Variants in FIBCD1 observed in about 807,000 individuals in gnomAD.
FIBCD1 encodes the protein fibrinogen C domain-containing protein 1.
In FIBCD1, 47 loss-of-function variants were observed where a neutral mutation model predicts 45.1. The observed-to-expected ratio is 1.04, with a 90% confidence interval of 0.82 to 1.33. The LOEUF (loss-of-function observed/expected upper bound fraction) is 1.33, where lower values mean the gene tolerates loss of function less well. FIBCD1 is among the 40% of genes most tolerant of loss of function. The pLI is 0.00. For missense variants in FIBCD1, 653 were observed against 682.2 expected (o/e 0.96, Z 0.48); for synonymous variants, 313 against 308.1 (o/e 1.02, Z -0.17).
chr9:130,919,786 C>T lies in FIBCD1; in HGVS notation c.849+3958G>A, dbSNP rs141727067. On this transcript the variant is annotated intron_variant, in intron 4 of 6. Coordinates refer to ENST00000372338, the MANE Select transcript of FIBCD1 (RefSeq NM_032843.5). ...GGGGGACGTTGGCTGTGCCTGGGAGCGGAGCAGGTAGGTATGGGGTCCTAT... is the reference window on the plus strand; with the variant it reads ...GGGGGACGTTGGCTGTGCCTGGGAGTGGAGCAGGTAGGTATGGGGTCCTAT... Among the ~76,000 whole-genome samples, 320 of 152,266 alleles carry T rather than the reference C, an allele frequency of 2.1e-3. 2 individuals are homozygous for T. Among genetic ancestry groups the T allele is most frequent in the South Asian group, 8.5e-3 (41 of 4,830 alleles).
At position 130,923,857 on chromosome 9, in the gene FIBCD1, CCAGA is replaced by C; in HGVS notation, c.732_735del (p.Cys244TrpfsTer5). 1.2e-6 allele frequency: 2 copies of C among 1,612,740 alleles called. No individual in the cohort carries two copies. Among genetic ancestry groups the C allele is most frequent in the Non-Finnish European group, 1.7e-6 (2 of 1,179,986 alleles). On this transcript the variant is annotated frameshift_variant, in exon 4 of 7. Coordinates refer to ENST00000372338, the MANE Select transcript of FIBCD1 (RefSeq NM_032843.5). LOFTEE classifies it high-confidence loss of function. ...TCCTGCTGTCCGCTTAGGAGGACGT[CCAGA>C]CAGTCTCGGGGCCGGGAGCCTGAGG...
chr9:130,928,135 G>T (rs1428489521), intron 2 of FIBCD1, among the ~76,000 whole-genome samples: 1 of 152,212 alleles, frequency 6.6e-6, no homozygotes, highest in Non-Finnish European at 1.5e-5. Flanking sequence ...ACTGTCTCTT[G>T]AATCATCCAG....
intron 4 of FIBCD1, among the ~76,000 whole-genome samples, chr9:130,918,652 C>G (rs972880901): frequency 2.6e-5 from 4 of 152,164 alleles, no homozygotes. Flanking sequence ...TACGGCAGCC[C>G]TTCAAAGGCA....
intron 4 of FIBCD1, among the ~76,000 whole-genome samples, chr9:130,923,492 C>G (rs919033662): frequency 6.6e-6 from 1 of 152,214 alleles, no homozygotes; most frequent in Admixed American, 6.5e-5. Context: ...CTGGGGATCT[C>G]AGGGAGCCCA....
chr9:130,917,135 G>A (rs1437670737), intron 4 of FIBCD1, among the ~76,000 whole-genome samples: 3 of 152,120 alleles, frequency 2.0e-5, no homozygotes, highest in South Asian at 2.1e-4. Flanking sequence ...GGGAGCAAAA[G>A]GTAGGGAAAC....
rs1465722003 is a variant in FIBCD1 at position 130,929,923 on chromosome 9, G to A, written c.196C>T (p.Pro66Ser). 1 of 1,549,076 alleles carries A rather than the reference G, an allele frequency of 6.5e-7. No individual in the cohort carries two copies. The highest frequency in any genetic ancestry group is 8.7e-7 in the Non-Finnish European group (1 of 1,146,372). Residue 66 changes from proline to serine, a missense_variant, in exon 2 of 7, where the codon CCT becomes TCT. Pro to Ser is a moderately conservative substitution (Grantham distance 74, BLOSUM62 -1). Transcript: ENST00000372338. ...CTGGCAGCCCCAGTGCTGACGACAG[G>A]TGGGGGCGCCGTGCCCGGCGCGTGG... Reference protein sequence around the residue: ...HAHAPGTAPPPVVSTGAASAN... With the variant: ...HAHAPGTAPPSVVSTGAASAN...
At chr9:130,927,236 G>A (rs1485511750) in intron 2 of FIBCD1, among the ~76,000 whole-genome samples, 31 of 148,968 alleles carry the variant, frequency 2.1e-4, no homozygotes, top group Admixed American at 2.1e-3. Context: ...GAGTAAGACT[G>A]TCTCGAAAAA....
intron 4 of FIBCD1, among the ~76,000 whole-genome samples, chr9:130,916,666 C>T (rs1436661683): frequency 7.2e-5 from 11 of 152,240 alleles, no homozygotes; most frequent in African/African-American, 2.7e-4. Context: ...CTGGATGTGG[C>T]CAAGCACAGA....
In FIBCD1 at chr9:130,939,053, G is replaced by A. The variant is rs899747489; in HGVS notation, c.-446C>T. 1.3e-5 allele frequency: 2 copies of A among 152,016 alleles called. No individual in the cohort carries two copies. The highest frequency in any genetic ancestry group is 4.8e-5 in the African/African-American group (2 of 41,392). 9.4% of individuals were successfully genotyped at this position (152,016 alleles called of 1,614,324 possible). On this transcript the variant is annotated 5_prime_UTR_variant, in exon 1 of 7. Coordinates refer to ENST00000372338, the MANE Select transcript of FIBCD1 (RefSeq NM_032843.5). ...GACTTGGATACTAAACTCCGCCTCC[G>A]AAAAGACCTAGGGAAAGGAGGCCGA...
chr9:130,914,933 C>T (rs913508153), intron 4 of FIBCD1, among the ~76,000 whole-genome samples: 22 of 152,258 alleles, frequency 1.4e-4, no homozygotes, highest in Admixed American at 1.2e-3. Flanking sequence ...TCCCCGAGCC[C>T]AGGCACCCCA....
chr9:130,931,549 G>A (rs942012788), intron 1 of FIBCD1, among the ~76,000 whole-genome samples: 2 of 152,140 alleles, frequency 1.3e-5, no homozygotes, highest in Non-Finnish European at 2.9e-5. Context: ...AAACGGAAAC[G>A]AAGGGCAGGC....
At chr9:130,920,950 C>T (rs1450525909) in intron 4 of FIBCD1, among the ~76,000 whole-genome samples, 1 of 152,224 alleles carries the variant, frequency 6.6e-6, no homozygotes, top group Non-Finnish European at 1.5e-5. Flanking sequence ...CAAGAATGAG[C>T]GTGTGCCACT....
chr9:130,935,169 T>C (rs1227599330), intron 1 of FIBCD1, among the ~76,000 whole-genome samples: 1 of 152,196 alleles, frequency 6.6e-6, no homozygotes, highest in Non-Finnish European at 1.5e-5. Flanking sequence ...GAGATTTTCT[T>C]TCTTCCTTTC....
intron 5 of FIBCD1, among the ~76,000 whole-genome samples, chr9:130,906,634 G>A (rs572443423): frequency 2.6e-5 from 4 of 152,320 alleles, no homozygotes; most frequent in East Asian, 1.9e-4. Context: ...CAGGGCAGCC[G>A]CTCTCCCTCT....
At chr9:130,934,295 G>T (rs1832486021) in intron 1 of FIBCD1, among the ~76,000 whole-genome samples, 1 of 152,316 alleles carries the variant, frequency 6.6e-6, no homozygotes, top group East Asian at 1.9e-4. Flanking sequence ...TGGGGGTGAA[G>T]GGTTGGTGGC....
rs1012283177 is a variant in FIBCD1 at position 130,929,646 on chromosome 9, C to T, written c.473G>A (p.Cys158Tyr). 1 of 1,590,928 alleles carries T rather than the reference C, an allele frequency of 6.3e-7. No homozygotes were observed. The highest frequency in any genetic ancestry group is 8.5e-7 in the Non-Finnish European group (1 of 1,170,046). ...GCCATGCCCCTTCCGCAGCCCCATG[C>T]ACTCCGTCTGCAGCTCTGAGGCTCG... ...LARASELQTE[C>Y]MGLRKGHGTL... is the part of the protein sequence containing the mutation. Residue 158 changes from cysteine to tyrosine, a missense_variant, in exon 2 of 7, where the codon TGC (cysteine) becomes TAC (tyrosine). By Grantham distance (194) the Cys-to-Tyr change is radical (BLOSUM62 -2). Coordinates refer to ENST00000372338, the MANE Select transcript of FIBCD1 (RefSeq NM_032843.5).
At chr9:130,939,721 C>G (rs1342641910), upstream of FIBCD1, among the ~76,000 whole-genome samples, 1 of 152,110 alleles carries the variant, frequency 6.6e-6, no homozygotes, top group Non-Finnish European at 1.5e-5. Context: ...GCCTTCTCCT[C>G]CGCCGGGAGG....
intron 4 of FIBCD1, among the ~76,000 whole-genome samples, chr9:130,917,196 G>A (rs1832177468): frequency 6.7e-6 from 1 of 148,742 alleles, no homozygotes; most frequent in Admixed American, 6.6e-5. Flanking sequence ...TCCAGCTCCG[G>A]GGGGGCGTCT....
intron 2 of FIBCD1, among the ~76,000 whole-genome samples, chr9:130,925,302 G>A (rs1442177623): frequency 1.3e-5 from 2 of 152,180 alleles, no homozygotes; most frequent in African/African-American, 4.8e-5. Context: ...TGGCACTGGG[G>A]GCAGGGACCA....
Sources: allele counts gnomAD v4.1 joint callset (sites outside exome capture counted in the v4.1 genomes callset), GRCh38; gene constraint gnomAD v4.1.1; transcripts MANE v1.5; gene names NCBI Gene and HGNC (gene_info 2026-07-23, HGNC 2026-07-21).